Variants in PRELID2 observed in about 807,000 individuals in gnomAD.
The protein encoded by PRELID2 is PRELI domain containing 2.
PRELID2 carries 25 observed loss-of-function variants against 28.4 expected under a neutral mutation model. That is an observed-to-expected ratio of 0.88 (90% CI 0.64 to 1.23). The LOEUF is 1.23. Among genes scored for constraint, PRELID2 ranks in the 50% most tolerant of loss-of-function variants. PRELID2 has a pLI of 0.00. For missense variants in PRELID2, 201 were observed against 214.4 expected (o/e 0.94, Z 0.39); for synonymous variants, 76 against 71.6 (o/e 1.06, Z -0.31).
At chr5:145,774,225 T>A (rs1442709897) in intron 5 of PRELID2, among the ~76,000 whole-genome samples, 1 of 152,168 alleles carries the variant, frequency 6.6e-6, no homozygotes, top group Non-Finnish European at 1.5e-5. Flanking sequence ...CATTTCCAGG[T>A]AAGAAAACTC....
At position 145,758,345 on chromosome 5, in the gene PRELID2, G is replaced by C. The variant is rs1426608339; in HGVS notation, c.*2191C>G. Among the ~76,000 whole-genome samples, 1 of 152,010 alleles carries C rather than the reference G, an allele frequency of 6.6e-6. No homozygotes were observed. Among genetic ancestry groups the C allele is most frequent in the Non-Finnish European group, 1.5e-5 (1 of 68,010 alleles). On this transcript the variant is annotated 3_prime_UTR_variant, in exon 7 of 7. Coordinates refer to ENST00000683046, the MANE Select transcript of PRELID2 (RefSeq NM_205846.3). The stretch of plus-strand genomic sequence containing the variant: ...TACAAAGATCCTTTCCAACCACAGA[G>C]ATATTAAGAAAAAAATTAAATATTG...
intron 1 of PRELID2, among the ~76,000 whole-genome samples, chr5:145,568,581 T>C (rs1752988476): frequency 6.6e-6 from 1 of 152,158 alleles, no homozygotes; most frequent in Non-Finnish European, 1.5e-5. Context: ...GACATGAAAA[T>C]AAATGTGACA....
chr5:145,323,817 G>T, the PRELID2 span, among the ~76,000 whole-genome samples: 2 of 152,154 alleles, frequency 1.3e-5, no homozygotes, highest in Non-Finnish European at 2.9e-5. Flanking sequence ...TGGCTGCATA[G>T]TATTCCATGG....
At chr5:145,827,132 C>T (rs186746045) in intron 1 of PRELID2, among the ~76,000 whole-genome samples, 73 of 152,100 alleles carry the variant, frequency 4.8e-4, no homozygotes, top group Admixed American at 4.6e-3. Context: ...TTAACATACC[C>T]GTGTTATAAG....
At chr5:145,564,864 G>C (rs559168122) in intron 1 of PRELID2, among the ~76,000 whole-genome samples, 1 of 152,304 alleles carries the variant, frequency 6.6e-6, no homozygotes, top group East Asian at 1.9e-4. Context: ...AGCTTCAGGA[G>C]ACTTCCATTA....
chr5:145,710,632 C>T (rs1225127854), intron 1 of PRELID2, among the ~76,000 whole-genome samples: 2 of 152,212 alleles, frequency 1.3e-5, no homozygotes, highest in African/African-American at 4.8e-5. Flanking sequence ...CCAGACATAG[C>T]ATAAGTGTCC....
chr5:145,335,371 G>A, the PRELID2 span, among the ~76,000 whole-genome samples: 1 of 151,524 alleles, frequency 6.6e-6, no homozygotes, highest in Non-Finnish European at 1.5e-5. Flanking sequence ...TGTTTTTCCT[G>A]GTATTATTGA....
intron 1 of PRELID2, among the ~76,000 whole-genome samples, chr5:145,697,099 A>G (rs1259284474): frequency 1.4e-5 from 2 of 141,914 alleles, no homozygotes; most frequent in East Asian, 4.1e-4. Flanking sequence ...ACACATATAT[A>G]TATGTATATA....
the PRELID2 span, among the ~76,000 whole-genome samples, chr5:145,241,239 G>A: frequency 6.6e-6 from 1 of 151,886 alleles, no homozygotes; most frequent in Admixed American, 6.6e-5. Flanking sequence ...AAATTGATGT[G>A]TGTCATTTAC....
chr5:145,429,592 A>G, the PRELID2 span, among the ~76,000 whole-genome samples: 1 of 152,216 alleles, frequency 6.6e-6, no homozygotes, highest in African/African-American at 2.4e-5. Context: ...TAGGTAGGTC[A>G]TGTAGACAGG....
intron 1 of PRELID2, among the ~76,000 whole-genome samples, chr5:145,522,715 A>G (rs903163150): frequency 6.6e-6 from 1 of 152,060 alleles, no homozygotes; most frequent in Admixed American, 6.6e-5. Context: ...GGGAAGATAC[A>G]TTACCAGAAA....
Position 145,582,450 on chromosome 5 carries a change from C to A in PRELID2, n.71-109135G>T, listed in dbSNP as rs147607064. Among the ~76,000 whole-genome samples the A allele has an allele frequency of 2.7e-3, 417 of 152,058 alleles. 2 individuals carry two copies. The highest frequency in any genetic ancestry group is 9.7e-3 in the African/African-American group (403 of 41,522). The stretch of plus-strand genomic sequence containing the variant: ...ATCACAAGAACAGCAAGGGGGAAGT[C>A]GGCCCCCATGATTCAATCACCTCCT... On this transcript the variant is annotated intron_variant and non_coding_transcript_variant, in intron 1 of 2. Coordinates refer to the PRELID2 transcript ENST00000510259.
intron 1 of PRELID2, among the ~76,000 whole-genome samples, chr5:145,740,538 C>T (rs1196891406): frequency 8.8e-6 from 1 of 113,958 alleles, no homozygotes; most frequent in Non-Finnish European, 1.7e-5. Context: ...AAACATTTTA[C>T]CCAACAACAT....
At chr5:145,832,742 T>C (rs1210135925) in intron 1 of PRELID2, among the ~76,000 whole-genome samples, 1 of 151,898 alleles carries the variant, frequency 6.6e-6, no homozygotes, top group Non-Finnish European at 1.5e-5. Context: ...TGATAAAGTA[T>C]GGAAAGCACA....
At chr5:145,528,722 C>CAG (rs1752630273) in intron 1 of PRELID2, among the ~76,000 whole-genome samples, 1 of 128,910 alleles carries the variant, frequency 7.8e-6, no homozygotes, top group African/African-American at 3.0e-5. Context: ...CACACACACA[C>CAG]ACACAGAGAG....
At chr5:145,625,199 T>A (rs576275709) in intron 1 of PRELID2, among the ~76,000 whole-genome samples, 85 of 152,242 alleles carry the variant, frequency 5.6e-4, no homozygotes, top group African/African-American at 1.9e-3. Flanking sequence ...ATTTTTATAG[T>A]CTATGAACTA....
At chr5:145,821,219 C>CTG (rs1234241639) in intron 2 of PRELID2, among the ~76,000 whole-genome samples, 2 of 100,878 alleles carry the variant, frequency 2.0e-5, no homozygotes, top group African/African-American at 3.9e-5. Flanking sequence ...AAGTCCTCTT[C>CTG]TGTGTGTGTG....
At chr5:145,588,395 A>G (rs1753182156) in intron 1 of PRELID2, among the ~76,000 whole-genome samples, 1 of 152,028 alleles carries the variant, frequency 6.6e-6, no homozygotes, top group Non-Finnish European at 1.5e-5. Context: ...TTCCTTTCCC[A>G]TAAAGAAAAC....
At chr5:145,796,356 C>G (rs1015129749) in intron 5 of PRELID2, 86 bp downstream of exon 5, 1 of 713,196 alleles carries the variant, frequency 1.4e-6, no homozygotes, top group Non-Finnish European at 2.3e-6. Flanking sequence ...CTCATTATGT[C>G]TGCTCATGAG....
Sources: gnomAD v4.1 joint callset for allele counts (sites outside exome capture counted in the v4.1 genomes callset) on GRCh38, gnomAD v4.1.1 for gene constraint, MANE v1.5 for transcripts, NCBI Gene and HGNC (gene_info 2026-07-23, HGNC 2026-07-21) for gene names.